Variants in HPCAL1 observed in about 807,000 individuals in gnomAD.
The protein encoded by HPCAL1 is hippocalcin like 1.
HPCAL1 carries 8 observed loss-of-function variants against 17.1 expected under a neutral mutation model. That is an observed-to-expected ratio of 0.47 (90% CI 0.27 to 0.84). The LOEUF (loss-of-function observed/expected upper bound fraction) is 0.84, where lower values mean the gene tolerates loss of function less well. HPCAL1 is among the 40% of genes least tolerant of loss of function. The pLI is 0.13. For synonymous variants in HPCAL1, 112 were observed against 111.4 expected, an observed-to-expected ratio of 1.01 and a Z score of -0.03; for missense variants, 165 against 271.1, an observed-to-expected ratio of 0.61 and a Z score of 2.75.
chr2:10,394,512 G>C lies in HPCAL1; in HGVS notation c.-110-2323G>C, dbSNP rs1412478196. Among the ~76,000 whole-genome samples the C allele has an allele frequency of 1.3e-5, 2 of 152,240 alleles. No individual in the cohort carries two copies. Among genetic ancestry groups the C allele is most frequent in the African/African-American group, 4.8e-5 (2 of 41,466 alleles). ...ATGGGGCAAGGCAGAGAGCACAGAG[G>C]GGCTTTAGGGCAGCGAGCCCGCGCT... is the stretch of plus-strand genomic sequence containing the variant. On this transcript the variant is annotated intron_variant, in intron 1 of 4. Transcript: ENST00000307845. This position sits in a 1 kb window ranked among gnomAD's most constrained non-coding sequence, Gnocchi z 5.0.
chr2:10,373,323 G>A (rs555296836), intron 1 of HPCAL1, among the ~76,000 whole-genome samples: 1 of 152,280 alleles, frequency 6.6e-6, no homozygotes, highest in Non-Finnish European at 1.5e-5. Context: ...GCAGAGGGAG[G>A]GGCAGGGCCT....
chr2:10,392,104 A>G (rs900874943), intron 1 of HPCAL1, among the ~76,000 whole-genome samples: 3 of 152,174 alleles, frequency 2.0e-5, no homozygotes, highest in Non-Finnish European at 4.4e-5. Context: ...GTGCAGTGGC[A>G]TGACCATAGC....
intron 1 of HPCAL1, among the ~76,000 whole-genome samples, chr2:10,329,640 T>G (rs1664232183): frequency 1.3e-5 from 2 of 152,340 alleles, no homozygotes; most frequent in African/African-American, 4.8e-5. Flanking sequence ...TGTAAGCCAC[T>G]AGGTTGATTT....
At chr2:10,404,387 C>T (rs368962885) in intron 2 of HPCAL1, among the ~76,000 whole-genome samples, 2 of 152,238 alleles carry the variant, frequency 1.3e-5, no homozygotes, top group South Asian at 2.1e-4. Context: ...CCCAGCCCCG[C>T]TGAGCTCAGG....
rs1265827857 is a variant in HPCAL1, at chr2:10,343,849, G to A, written c.-111+40672G>A. Among the ~76,000 whole-genome samples the A allele has an allele frequency of 2.6e-5, 4 of 152,198 alleles. No homozygotes were observed. The highest frequency in any genetic ancestry group is 2.9e-5 in the Non-Finnish European group (2 of 68,030). The stretch of plus-strand genomic sequence containing the variant: ...AGGGCAGAAAGAGAAGAGGGGGCAG[G>A]CCTCAGGGATGAACACATGGCCCAT... On this transcript the variant is annotated intron_variant, in intron 1 of 4. Transcript: ENST00000307845. The surrounding 1 kb of genome is among the most constrained non-coding windows in gnomAD (Gnocchi z 4.8).
chr2:10,340,510 C>A (rs910400871), intron 1 of HPCAL1, among the ~76,000 whole-genome samples: 2 of 152,290 alleles, frequency 1.3e-5, no homozygotes, highest in African/African-American at 4.8e-5. Context: ...TTTGAGAGGT[C>A]ATCTGTAGGA....
chr2:10,401,187 C>T (rs116217583), intron 2 of HPCAL1, among the ~76,000 whole-genome samples: 1 of 152,174 alleles, frequency 6.6e-6, no homozygotes, highest in Non-Finnish European at 1.5e-5. Flanking sequence ...CCCATGTCAC[C>T]GGCCTCTCTA....
In HPCAL1 at chr2:10,331,063, T is replaced by C. The variant is rs1395790348; in HGVS notation, c.-111+27886T>C. Among the ~76,000 whole-genome samples, 2 of 152,168 alleles carry C rather than the reference T, an allele frequency of 1.3e-5. No individual in the cohort carries two copies. Among genetic ancestry groups the C allele is most frequent in the Non-Finnish European group, 2.9e-5 (2 of 68,030 alleles). Reference sequence around the variant, plus strand: ...TCCTCATCCCGCCTCTCGCTCCATCTCGTGGCCTCCCATCTGCTCTCCCGG... The same window carrying C: ...TCCTCATCCCGCCTCTCGCTCCATCCCGTGGCCTCCCATCTGCTCTCCCGG... On this transcript the variant is annotated intron_variant, in intron 1 of 4. Transcript: ENST00000307845. The surrounding 1 kb of genome is among the most constrained non-coding windows in gnomAD (Gnocchi z 5.0).
chr2:10,315,819 C>T (rs1329441263), intron 1 of HPCAL1, among the ~76,000 whole-genome samples: 1 of 152,148 alleles, frequency 6.6e-6, no homozygotes, highest in Non-Finnish European at 1.5e-5. Flanking sequence ...CCAGCCTGGC[C>T]AACATGGTGA....
At chr2:10,317,334 A>G (rs903811836) in intron 1 of HPCAL1, among the ~76,000 whole-genome samples, 8 of 152,166 alleles carry the variant, frequency 5.3e-5, no homozygotes, top group Non-Finnish European at 1.0e-4. Context: ...AAACAGCCAC[A>G]ACAACTTCAC....
At chr2:10,322,123 C>T (rs1663705209) in intron 1 of HPCAL1, among the ~76,000 whole-genome samples, 2 of 152,132 alleles carry the variant, frequency 1.3e-5, no homozygotes. Flanking sequence ...CTATGGATTA[C>T]ATGTTCCTCC....
At chr2:10,360,043 C>G (rs1666425676) in intron 1 of HPCAL1, among the ~76,000 whole-genome samples, 1 of 152,130 alleles carries the variant, frequency 6.6e-6, no homozygotes, top group African/African-American at 2.4e-5. Flanking sequence ...CCAGCACGGG[C>G]TCCTGGCGCA....
chr2:10,316,199 T>G (rs1052622678), intron 1 of HPCAL1, among the ~76,000 whole-genome samples: 39 of 152,196 alleles, frequency 2.6e-4, no homozygotes, highest in African/African-American at 8.7e-4. Flanking sequence ...AATGAAGTGG[T>G]TTGATGTCCT....
In HPCAL1 at chr2:10,394,391, GT is replaced by G. The variant is rs1448804376; in HGVS notation, c.-110-2443del. On this transcript the variant is annotated intron_variant, in intron 1 of 4. Transcript: ENST00000307845. This position sits in a 1 kb window ranked among gnomAD's most constrained non-coding sequence, Gnocchi z 5.0. ...CTCCTCGTGGAGAGCCCTTGACCCT[GT>G]CCAGGTCTTGATTTCTCGGAGTGTC... Among the ~76,000 whole-genome samples the G allele has an allele frequency of 1.3e-5, 2 of 152,148 alleles. No individual in the cohort carries two copies. The highest frequency in any genetic ancestry group is 4.8e-5 in the African/African-American group (2 of 41,420).
At chr2:10,389,329 G>A (rs1010573810) in intron 1 of HPCAL1, among the ~76,000 whole-genome samples, 1 of 152,226 alleles carries the variant, frequency 6.6e-6, no homozygotes, top group South Asian at 2.1e-4. Flanking sequence ...GGGTAGCCCT[G>A]CCCCGCAAGG....
chr2:10,417,005 T>G (rs1477718958), intron 2 of HPCAL1, among the ~76,000 whole-genome samples: 1 of 152,176 alleles, frequency 6.6e-6, no homozygotes, highest in African/African-American at 2.4e-5. Flanking sequence ...TGGCCTCCTG[T>G]GGCTGCATAT....
chr2:10,309,360 C>G (rs1421294964), intron 1 of HPCAL1, among the ~76,000 whole-genome samples: 1 of 152,174 alleles, frequency 6.6e-6, no homozygotes, highest in Non-Finnish European at 1.5e-5. Flanking sequence ...AATGAAAAAA[C>G]TGAGGAGGCC....
intron 2 of HPCAL1, among the ~76,000 whole-genome samples, chr2:10,412,818 G>T (rs761906732): frequency 2.6e-4 from 39 of 152,128 alleles, no homozygotes; most frequent in Middle Eastern, 3.2e-3. Context: ...CCCCCTCCCT[G>T]TTCAGCTGTT....
At chr2:10,390,533 G>A (rs1165571036) in intron 1 of HPCAL1, among the ~76,000 whole-genome samples, 1 of 151,970 alleles carries the variant, frequency 6.6e-6, no homozygotes, top group Non-Finnish European at 1.5e-5. Flanking sequence ...CTCCCTAAGG[G>A]ACTTTGCTTT....
Sources: allele counts gnomAD v4.1 joint callset (sites outside exome capture counted in the v4.1 genomes callset), GRCh38; gene constraint gnomAD v4.1.1; non-coding constraint Gnocchi (gnomAD v3.1); transcripts MANE v1.5; gene names NCBI Gene and HGNC (gene_info 2026-07-23, HGNC 2026-07-21).